The following ARMC2 variants were observed in gnomAD, a reference collection of about 807,000 sequenced individuals.
ARMC2 encodes the protein armadillo repeat-containing protein 2.
Under a neutral mutation model 90.3 loss-of-function variants are expected in ARMC2, and 67 were observed. That is an observed-to-expected ratio of 0.74 (90% CI 0.61 to 0.91). ARMC2 has a LOEUF of 0.91. Ranked by LOEUF, ARMC2 falls within the 40% of genes least tolerant of loss-of-function variation. The probability of loss-of-function intolerance (pLI) is 0.00; values close to 1 mark genes in which losing one functional copy is unlikely to be tolerated. For synonymous variants in ARMC2, 393 were observed against 393.0 expected, an observed-to-expected ratio of 1.00 and a Z score of 0.00; for missense variants, 920 against 1,030.9, an observed-to-expected ratio of 0.89 and a Z score of 1.47.
At chr6:108,928,263 A>C (rs779781931) in intron 11 of ARMC2, 30 bp downstream of exon 11, 2 of 1,426,224 alleles carry the variant, frequency 1.4e-6, no homozygotes, top group African/African-American at 1.5e-5. Flanking sequence ...AAGTAGCCTT[A>C]CAAAAATGCT....
chr6:108,941,950 A>G (rs1776473533), intron 12 of ARMC2, among the ~76,000 whole-genome samples: 1 of 152,242 alleles, frequency 6.6e-6, no homozygotes, highest in Non-Finnish European at 1.5e-5. Context: ...CAAAACCAAA[A>G]TATTTTAGAA....
chr6:109,019,749 G>A, the ARMC2 span, among the ~76,000 whole-genome samples: 3 of 152,152 alleles, frequency 2.0e-5, no homozygotes, highest in Non-Finnish European at 4.4e-5. Context: ...TTGATATCCA[G>A]ATAATTTTTA....
chr6:108,886,910 T>TC (rs1418309590), intron 5 of ARMC2, among the ~76,000 whole-genome samples: 5 of 151,722 alleles, frequency 3.3e-5, no homozygotes, highest in African/African-American at 4.8e-5. Context: ...TTGTTTTGTT[T>TC]TTTTTTTTGA....
chr6:108,855,700 G>A (rs1215447656), intron 2 of ARMC2, among the ~76,000 whole-genome samples: 1 of 152,178 alleles, frequency 6.6e-6, no homozygotes, highest in Non-Finnish European at 1.5e-5. Flanking sequence ...GAGAGATCCT[G>A]TTCCTCCACA....
chr6:108,998,794 G>C, the ARMC2 span: 3 of 1,574,638 alleles, frequency 1.9e-6, no homozygotes, highest in African/African-American at 4.1e-5. Context: ...TTTTGTACTG[G>C]GGTGTGGTAA....
At chr6:108,994,486 C>T in the ARMC2 span, 1 of 1,612,928 alleles carries the variant, frequency 6.2e-7, no homozygotes, top group Non-Finnish European at 8.5e-7. Context: ...AACATACTCT[C>T]TCTTTTTTCT....
At chr6:108,907,817 TC>T (rs1245958966) in intron 8 of ARMC2, 2 of 1,608,214 alleles carry the variant, frequency 1.2e-6, no homozygotes, top group Non-Finnish European at 1.7e-6. Context: ...GCTTGGCAGC[TC>T]CCCCAGTTTG....
At chr6:109,016,202 A>C in the ARMC2 span, among the ~76,000 whole-genome samples, 1 of 152,178 alleles carries the variant, frequency 6.6e-6, no homozygotes, top group Non-Finnish European at 1.5e-5. Flanking sequence ...ACTAACGGTA[A>C]TTTTTATTCA....
chr6:108,980,193 T>C, the ARMC2 span, among the ~76,000 whole-genome samples: 2 of 152,138 alleles, frequency 1.3e-5, no homozygotes, highest in African/African-American at 4.8e-5. Context: ...ACGTCCTTTT[T>C]GTTGATGTTG....
At position 108,868,942 on chromosome 6, in the gene ARMC2, G is replaced by A. The variant is rs1373135059; in HGVS notation, c.410G>A (p.Arg137Lys). 3.7e-6 allele frequency: 6 copies of A among 1,613,778 alleles called. No homozygotes were observed. Among genetic ancestry groups the A allele is most frequent in the East Asian group, 2.2e-5 (1 of 44,880 alleles). The change falls in exon 4 of 18, where the codon AGG (arginine) becomes AAG (lysine). Residue 137 changes from arginine to lysine, a missense_variant. Arg to Lys is a conservative substitution (Grantham distance 26, BLOSUM62 2). Transcript: ENST00000392644. ...AGCAACGCCAGGGCTCGCTTATTCAGGGCTGCCTCCCAGCGGGCCCTTCTG... is the reference window on the plus strand; with the variant it reads ...AGCAACGCCAGGGCTCGCTTATTCAAGGCTGCCTCCCAGCGGGCCCTTCTG... The part of the protein sequence containing the change: ...RVSNARARLF[R>K]AASQRALLPD...
chr6:109,041,396 A>C, the ARMC2 span, among the ~76,000 whole-genome samples: 1 of 152,214 alleles, frequency 6.6e-6, no homozygotes, highest in Admixed American at 6.5e-5. Context: ...CCAACAACTC[A>C]GTAAATCTAC....
chr6:108,979,415 G>A (rs1012529496), downstream of ARMC2, among the ~76,000 whole-genome samples: 9 of 152,164 alleles, frequency 5.9e-5, no homozygotes, highest in African/African-American at 2.2e-4. Context: ...CTCTCTGGCT[G>A]CCCATAACAT....
the ARMC2 span, among the ~76,000 whole-genome samples, chr6:108,984,785 C>T: frequency 6.6e-6 from 1 of 152,122 alleles, no homozygotes; most frequent in Non-Finnish European, 1.5e-5. Flanking sequence ...ATTTATGCTT[C>T]CTCTTGATCA....
At chr6:108,996,869 T>G in the ARMC2 span, among the ~76,000 whole-genome samples, 1 of 152,104 alleles carries the variant, frequency 6.6e-6, no homozygotes, top group African/African-American at 2.4e-5. Context: ...AAAAAGAAAT[T>G]AGGTATCAAG....
chr6:109,020,617 A>G, the ARMC2 span, among the ~76,000 whole-genome samples: 9 of 151,612 alleles, frequency 5.9e-5, no homozygotes, highest in Non-Finnish European at 1.0e-4. Flanking sequence ...CTATCACTCA[A>G]TACATATCCT....
In ARMC2 at chr6:108,866,491, G is replaced by T. The variant is rs1364683806; in HGVS notation, c.292-2333G>T. On this transcript the variant is annotated intron_variant, in intron 3 of 17. Coordinates refer to ENST00000392644, the MANE Select transcript of ARMC2 (RefSeq NM_032131.6). ...GGCTAGGGCCTTGACTATGAGAGGA[G>T]TTAAAAGTAACTTGGAACCAAACCT... is the stretch of plus-strand genomic sequence containing the variant. Among the ~76,000 whole-genome samples, 3 of 152,358 alleles carry T rather than the reference G, an allele frequency of 2.0e-5. No homozygotes were observed. The East Asian group carries it at 5.8e-4, about 29-fold the overall frequency.
At chr6:108,944,749 A>T (rs57582005) in intron 12 of ARMC2, among the ~76,000 whole-genome samples, 2,480 of 152,302 alleles carry the variant, frequency 0.016, 77 homozygotes, top group African/African-American at 0.058. Flanking sequence ...CTCTGTTTGC[A>T]TAATGGCCCT....
At chr6:108,887,151 A>T (rs536531691) in intron 5 of ARMC2, among the ~76,000 whole-genome samples, 1 of 152,250 alleles carries the variant, frequency 6.6e-6, no homozygotes, top group East Asian at 1.9e-4. Flanking sequence ...ACCTCAAGTG[A>T]TCTGCCTTCC....
chr6:108,881,569 G>A (rs533934125), intron 5 of ARMC2, among the ~76,000 whole-genome samples: 8 of 152,270 alleles, frequency 5.3e-5, no homozygotes, highest in South Asian at 4.1e-4. Flanking sequence ...GAGATCTAAC[G>A]ATGTAGGCAG....
Sources: allele counts gnomAD v4.1 joint callset (sites outside exome capture counted in the v4.1 genomes callset), GRCh38; gene constraint gnomAD v4.1.1; transcripts MANE v1.5; gene names NCBI Gene and HGNC (gene_info 2026-07-23, HGNC 2026-07-21).